Variants in MTREX observed in about 807,000 individuals in gnomAD.
The protein encoded by MTREX is exosome RNA helicase MTR4.
MTREX carries 76 observed loss-of-function variants against 135.4 expected under a neutral mutation model. The ratio of observed to expected loss-of-function variants is 0.56; its 90% confidence interval spans 0.47 to 0.68. The LOEUF (loss-of-function observed/expected upper bound fraction) is 0.68. MTREX is among the 30% of genes least tolerant of loss of function. The probability of loss-of-function intolerance (pLI) is 0.00; values close to 1 mark genes in which losing one functional copy is unlikely to be tolerated. For synonymous variants in MTREX, 404 were observed against 401.6 expected (o/e 1.01, Z -0.07); for missense variants, 920 against 1,262.1 (o/e 0.73, Z 4.11).
chr5:55,417,304 C>G (rs116286559), intron 25 of MTREX, among the ~76,000 whole-genome samples: 1 of 152,094 alleles, frequency 6.6e-6, no homozygotes, highest in Admixed American at 6.6e-5. Context: ...CATGTAATCA[C>G]CAAATAGCAA....
At chr5:55,330,147 G>T (rs1286104695) in intron 5 of MTREX, among the ~76,000 whole-genome samples, 3 of 151,964 alleles carry the variant, frequency 2.0e-5, no homozygotes. Context: ...GGCACAAACA[G>T]AGCTCATTTG....
chr5:55,334,830 A>G (rs73122209), intron 5 of MTREX, among the ~76,000 whole-genome samples: 12 of 152,140 alleles, frequency 7.9e-5, no homozygotes, highest in South Asian at 2.1e-4. Context: ...AAGTGGACCT[A>G]TGTTTTCGTT....
intron 16 of MTREX, among the ~76,000 whole-genome samples, chr5:55,369,689 T>TA (rs1750164300): frequency 6.6e-6 from 1 of 152,178 alleles, no homozygotes; most frequent in Non-Finnish European, 1.5e-5. Flanking sequence ...GAAAACCTTT[T>TA]ACCTGAGGAA....
chr5:55,358,467 C>T, intron 14 of MTREX, 106 bp from the exon 15 acceptor site: 1 of 974,024 alleles, frequency 1.0e-6, no homozygotes, highest in South Asian at 1.7e-5. Context: ...TGTTTCCTTT[C>T]TTAGGGTTTA....
intron 13 of MTREX, among the ~76,000 whole-genome samples, chr5:55,352,657 C>G (rs1749847990): frequency 6.6e-6 from 1 of 152,106 alleles, no homozygotes; most frequent in African/African-American, 2.4e-5. Flanking sequence ...AATATTTTTA[C>G]TTCTTTCCTA....
intron 22 of MTREX, among the ~76,000 whole-genome samples, chr5:55,406,902 C>T (rs1309983712): frequency 6.6e-6 from 1 of 152,064 alleles, no homozygotes; most frequent in Non-Finnish European, 1.5e-5. Flanking sequence ...AAAATGTGTT[C>T]GTTATTTCCC....
chr5:55,362,718 T>A (rs995225252), intron 15 of MTREX, among the ~76,000 whole-genome samples: 3 of 152,148 alleles, frequency 2.0e-5, no homozygotes, highest in Admixed American at 6.5e-5. Context: ...TAAAAAAAAA[T>A]CAGTTTTCAT....
At chr5:55,370,934 CAAAT>C (rs553723009) in intron 16 of MTREX, among the ~76,000 whole-genome samples, 216 of 152,234 alleles carry the variant, frequency 1.4e-3, no homozygotes, top group African/African-American at 5.0e-3. Flanking sequence ...TTCATTGTAA[CAAAT>C]AGATGGCTCA....
At chr5:55,378,759 T>C (rs1056467701) in intron 17 of MTREX, among the ~76,000 whole-genome samples, 9 of 152,226 alleles carry the variant, frequency 5.9e-5, no homozygotes, top group African/African-American at 2.2e-4. Flanking sequence ...TATGAAATGC[T>C]AACTATAACT....
chr5:55,374,704 G>C (rs1750265332), intron 16 of MTREX, among the ~76,000 whole-genome samples: 1 of 152,160 alleles, frequency 6.6e-6, no homozygotes, highest in Non-Finnish European at 1.5e-5. Flanking sequence ...GCTAAAAAGA[G>C]ATAATTCCTA....
chr5:55,337,743 T>G (rs1223727307), intron 5 of MTREX, among the ~76,000 whole-genome samples: 1 of 152,126 alleles, frequency 6.6e-6, no homozygotes, highest in Non-Finnish European at 1.5e-5. Context: ...TGGATTTATA[T>G]TTGCCTTTTG....
At chr5:55,333,700 T>A (rs1388988562) in intron 5 of MTREX, among the ~76,000 whole-genome samples, 2 of 152,152 alleles carry the variant, frequency 1.3e-5, no homozygotes. Flanking sequence ...CAAAAAGTTA[T>A]AATGTAGAAT....
rs777315302 is a variant in MTREX, at chr5:55,410,571, A to G, written c.2693A>G (p.Asn898Ser). 5 of 1,611,200 alleles carry G rather than the reference A, an allele frequency of 3.1e-6. No individual in the cohort carries two copies. Among genetic ancestry groups the G allele is most frequent in the Admixed American group, 3.3e-5 (2 of 59,842 alleles). Residue 898 changes from asparagine to serine, a missense_variant, in exon 23 of 27, where the codon AAT becomes AGT. Around this residue, in one of 6 missense-constraint regions of MTREX, gnomAD observed 467 missense variants for 589.7 expected, o/e 0.79. Coordinates refer to ENST00000230640, the MANE Select transcript of MTREX (RefSeq NM_015360.5). ...GAGATGATGTTTAATGGCCTTTTCA[A>G]TGACCTTTCTGCAGAACAGGCAACA... is the stretch of plus-strand genomic sequence containing the variant. ...LTEMMFNGLF[N>S]DLSAEQATAL...
At chr5:55,325,346 T>G (rs1274781524) in intron 3 of MTREX, among the ~76,000 whole-genome samples, 2 of 150,456 alleles carry the variant, frequency 1.3e-5, no homozygotes, top group Admixed American at 6.6e-5. Flanking sequence ...TTTGTTTTTT[T>G]TTTTTTTAAG....
chr5:55,410,559 A>G lies in MTREX; in HGVS notation c.2681A>G (p.Asn894Ser), dbSNP rs367856507. Reference sequence around the variant, plus strand: ...CTCCTTCTAACTGAGATGATGTTTAATGGCCTTTTCAATGACCTTTCTGCA... The same window carrying G: ...CTCCTTCTAACTGAGATGATGTTTAGTGGCCTTTTCAATGACCTTTCTGCA... ...DELLLTEMMF[N>S]GLFNDLSAEQ... The change falls in exon 23 of 27, where the codon AAT becomes AGT. Residue 894 changes from asparagine to serine, a missense_variant. By Grantham distance (46) the Asn-to-Ser change is conservative (BLOSUM62 1). Transcript: ENST00000230640. 2 of 1,611,172 alleles carry G rather than the reference A, an allele frequency of 1.2e-6. No individual in the cohort carries two copies. Among genetic ancestry groups the G allele is most frequent in the African/African-American group, 1.3e-5 (1 of 74,992 alleles).
intron 18 of MTREX, among the ~76,000 whole-genome samples, chr5:55,379,405 G>C (rs1466027429): frequency 1.3e-5 from 2 of 152,058 alleles, no homozygotes; most frequent in African/African-American, 4.8e-5. Context: ...AGCTGGTCTT[G>C]AACTCCTAAC....
intron 16 of MTREX, among the ~76,000 whole-genome samples, chr5:55,373,782 TG>T (rs1201419273): frequency 1.4e-5 from 2 of 146,400 alleles, no homozygotes; most frequent in Non-Finnish European, 3.0e-5. Flanking sequence ...GGGGTAGGGG[TG>T]GGGGCAGTCT....
intron 16 of MTREX, among the ~76,000 whole-genome samples, chr5:55,369,386 T>TA (rs1750158322): frequency 6.6e-6 from 1 of 152,216 alleles, no homozygotes; most frequent in African/African-American, 2.4e-5. Flanking sequence ...AGCTAGCAGT[T>TA]AGACTGTTTT....
At chr5:55,354,995 G>A (rs2112074009) in intron 14 of MTREX, among the ~76,000 whole-genome samples, 1 of 152,318 alleles carries the variant, frequency 6.6e-6, no homozygotes, top group East Asian at 1.9e-4. Context: ...GGTGGATTGG[G>A]CGAGGGAAGC....
Sources: gnomAD v4.1 joint callset for allele counts (sites outside exome capture counted in the v4.1 genomes callset) on GRCh38, gnomAD v4.1.1 for gene constraint, gnomAD v4.1.1 regional missense constraint, MANE v1.5 for transcripts, NCBI Gene and HGNC (gene_info 2026-07-23, HGNC 2026-07-21) for gene names.